Variants in STRADA observed in about 807,000 individuals in gnomAD.
STRADA encodes the protein STE20-related kinase adapter protein alpha.
A neutral mutation model predicts 55.0 loss-of-function variants in STRADA; 26 were observed. That is an observed-to-expected ratio of 0.47 (90% CI 0.35 to 0.66). The LOEUF is 0.66. STRADA is among the 30% of genes least tolerant of loss of function. The pLI, the probability that STRADA is intolerant of heterozygous loss-of-function variation, is 0.01. For missense variants in STRADA, 443 were observed against 549.7 expected (o/e 0.81, Z 1.94); for synonymous variants, 197 against 210.9 (o/e 0.93, Z 0.57).
intron 1 of STRADA, among the ~76,000 whole-genome samples, chr17:63,730,931 T>A (rs1025408447): frequency 1.3e-5 from 2 of 151,612 alleles, no homozygotes; most frequent in Non-Finnish European, 2.9e-5. Flanking sequence ...TGTGAGCCAC[T>A]GCGCCTGGCC....
At chr17:63,729,300 T>G (rs2037867690) in intron 1 of STRADA, among the ~76,000 whole-genome samples, 1 of 152,228 alleles carries the variant, frequency 6.6e-6, no homozygotes, top group Non-Finnish European at 1.5e-5. Flanking sequence ...ATAGACAATG[T>G]ACCCAGAGTC....
chr17:63,706,687 G>T lies in STRADA; in HGVS notation c.806C>A (p.Ala269Asp). 6.2e-7 allele frequency: 1 copy of T among 1,614,110 alleles called. No homozygotes were observed. Among genetic ancestry groups the T allele is most frequent in the Non-Finnish European group, 8.5e-7 (1 of 1,179,954 alleles). The change falls in exon 10 of 13, where the codon GCC (alanine) becomes GAC (aspartate). Residue 269 changes from alanine to aspartate, a missense_variant. Ala to Asp is a moderately radical substitution (Grantham distance 126). Coordinates refer to ENST00000336174, the MANE Select transcript of STRADA (RefSeq NM_001003787.4). ...GACATGGCCGTTGGCCAGTTCACAGGCTGTGATTCCCACACTGTAGATGTC... is the reference window on the plus strand; with the variant it reads ...GACATGGCCGTTGGCCAGTTCACAGTCTGTGATTCCCACACTGTAGATGTC... The part of the protein sequence containing the change: ...KSDIYSVGIT[A>D]CELANGHVPF...
In STRADA at chr17:63,706,679, G is replaced by A; in HGVS notation, c.814C>T (p.Leu272=). The change falls in exon 10 of 13, where the codon CTG becomes TTG. Residue 272 remains leucine (L), a synonymous_variant. Transcript: ENST00000336174. ...TTAAAGGGGACATGGCCGTTGGCCA[G>A]TTCACAGGCTGTGATTCCCACACTG... The part of the protein sequence containing the change: ...IYSVGITACE[L]ANGHVPFKDM... The A allele has an allele frequency of 6.2e-7, 1 of 1,614,096 alleles. No individual in the cohort carries two copies. Among genetic ancestry groups the A allele is most frequent in the Non-Finnish European group, 8.5e-7 (1 of 1,179,956 alleles).
chr17:63,715,469 T>G (rs2036806256), intron 4 of STRADA: 1 of 152,234 alleles, frequency 6.6e-6, no homozygotes. Flanking sequence ...GCTGTTGTTT[T>G]TAAGATATGG....
intron 1 of STRADA, among the ~76,000 whole-genome samples, chr17:63,731,299 T>A (rs1201016680): frequency 7.0e-6 from 1 of 142,930 alleles, no homozygotes; most frequent in African/African-American, 2.6e-5. Flanking sequence ...AGTCTTGCCA[T>A]GTCACCAGGC....
In STRADA at chr17:63,705,316, C is replaced by T. The variant is rs1176730018; in HGVS notation, c.859-734G>A. The T allele has an allele frequency of 4.9e-5, 13 of 265,032 alleles. No homozygotes were observed. In the South Asian group the frequency reaches 5.9e-4, roughly 12 times the overall value. 16.4% of individuals were successfully genotyped at this position (265,032 alleles called of 1,614,324 possible). ...TAAATGCTCGACAGCCACACAGTCT[C>T]ATGGCTCCCACGCTAGACAGTGCAG... On this transcript the variant is annotated intron_variant, in intron 10 of 12. Transcript: ENST00000336174.
intron 4 of STRADA, among the ~76,000 whole-genome samples, chr17:63,720,173 A>T (rs1598210368): frequency 1.4e-5 from 2 of 143,140 alleles, no homozygotes; most frequent in South Asian, 4.5e-4. Flanking sequence ...TGCCAAGCTA[A>T]TTTTTTTTTT....
chr17:63,713,943 TGAGAAAGCTGCA>T, intron 5 of STRADA, 51 bp downstream of exon 5: 1 of 1,379,920 alleles, frequency 7.2e-7, no homozygotes, highest in Non-Finnish European at 1.0e-6. Context: ...CTGGGGCTGC[TGAGAAAGCTGCA>T]GCAGCCCCTG....
At chr17:63,715,803 A>G (rs752059089) in intron 4 of STRADA, among the ~76,000 whole-genome samples, 8 of 152,108 alleles carry the variant, frequency 5.3e-5, no homozygotes, top group Non-Finnish European at 8.8e-5. Context: ...ATATTGTTGT[A>G]TTTCACTGTA....
chr17:63,704,523 G>A lies in STRADA; in HGVS notation c.918C>T (p.Pro306=), dbSNP rs199613658. The change falls in exon 11 of 13, where the codon CCC becomes CCT. Residue 306 remains proline, a synonymous_variant. Transcript: ENST00000336174. ...AAGGGCTCATGGTCAGCTCCTCAGC[G>A]GGGATGGTGCTGGTATCCAACAGGC... is the stretch of plus-strand genomic sequence containing the variant. The part of the protein sequence containing the change: ...VPCLLDTSTI[P]AEELTMSPSR... 1.1e-5 allele frequency: 17 copies of A among 1,601,932 alleles called. No homozygotes were observed. The Middle Eastern group carries it at 5.0e-4, about 47-fold the overall frequency.
rs1208804362 is a variant in STRADA at position 63,704,345 on chromosome 17, C to T, written c.1096G>A (p.Ala366Thr). ...VEQCLQRNPDARPSASTLLNH... is the reference protein window; with the variant it reads ...VEQCLQRNPDTRPSASTLLNH... ...GGCCCAGGCCAGCAGGGATACCTGG[C>T]ATCCGGGTTGCGCTGAAGGCACTGC... Residue 366 changes from alanine (A) to threonine (T), a missense_variant, in exon 11 of 13, where the codon GCC (alanine) becomes ACC (threonine). Physicochemically the swap from Ala to Thr is moderately conservative, Grantham distance 58 (BLOSUM62 0). Coordinates refer to ENST00000336174, the MANE Select transcript of STRADA (RefSeq NM_001003787.4). 1 of 1,612,260 alleles carries T rather than the reference C, an allele frequency of 6.2e-7. No individual in the cohort carries two copies. The highest frequency in any genetic ancestry group is 8.5e-7 in the Non-Finnish European group (1 of 1,179,586).
At chr17:63,712,412 G>A (rs1406627488) in intron 6 of STRADA, 1 of 152,042 alleles carries the variant, frequency 6.6e-6, no homozygotes, top group Non-Finnish European at 1.5e-5. Flanking sequence ...CTTGCTTCTC[G>A]AATAGAAAGG....
chr17:63,726,928 A>G, intron 2 of STRADA: 1 of 575,242 alleles, frequency 1.7e-6, no homozygotes, highest in Admixed American at 3.2e-5. Flanking sequence ...ACAGATGAGA[A>G]ATAGATAGTA....
At chr17:63,710,436 G>A in intron 8 of STRADA, 55 bp downstream of exon 8, 3 of 1,607,738 alleles carry the variant, frequency 1.9e-6, no homozygotes, top group African/African-American at 2.7e-5. Flanking sequence ...TTACCTGAAG[G>A]CTCAGGGGCA....
chr17:63,716,939 C>G (rs2036927729), intron 4 of STRADA: 1 of 152,212 alleles, frequency 6.6e-6, no homozygotes, highest in Admixed American at 6.5e-5. Context: ...GAACTCAGGT[C>G]TATTACTGGT....
intron 3 of STRADA, chr17:63,723,852 GTAAA>G (rs2144097606): frequency 6.6e-6 from 1 of 152,496 alleles, no homozygotes; most frequent in South Asian, 2.1e-4. Flanking sequence ...GATTCTAAAT[GTAAA>G]TAAAGCAAAG....
Position 63,711,796 on chromosome 17 carries a change from A to G in STRADA, c.349-960T>C, listed in dbSNP as rs373898798. Among the ~76,000 whole-genome samples the G allele has an allele frequency of 4.7e-4, 71 of 152,226 alleles. 2 individuals carry two copies. In the South Asian group the frequency reaches 0.015, roughly 32 times the overall value. On this transcript the variant is annotated intron_variant, in intron 6 of 12. Transcript: ENST00000336174. ...GAAACATACAAAAAATTAGTTGAGC[A>G]TGGTGGTGCATGCCTTTAGTCCCAG...
intron 1 of STRADA, among the ~76,000 whole-genome samples, chr17:63,740,105 T>TATATATATATATATAC (rs1354662253): frequency 3.5e-5 from 2 of 56,666 alleles, no homozygotes; most frequent in African/African-American, 2.3e-4. Context: ...TATATATATA[T>TATATATATATATATAC]ATACATACAT....
At chr17:63,726,832 A>C in intron 2 of STRADA, 137 bp from the exon 3 acceptor site, 1 of 786,290 alleles carries the variant, frequency 1.3e-6, no homozygotes, top group South Asian at 1.8e-5. Context: ...ATTTCTATGG[A>C]AAAGTTTTTA....
Sources: gnomAD v4.1 joint callset for allele counts (sites outside exome capture counted in the v4.1 genomes callset) on GRCh38, gnomAD v4.1.1 for gene constraint, MANE v1.5 for transcripts, NCBI Gene and HGNC (gene_info 2026-07-23, HGNC 2026-07-21) for gene names.